GRIP1: variants seen among roughly 807,000 people sequenced by gnomAD.
GRIP1 encodes the protein glutamate receptor interacting protein 1.
Under a neutral mutation model 129.9 loss-of-function variants are expected in GRIP1, and 45 were observed. The ratio of observed to expected loss-of-function variants is 0.35; its 90% CI spans 0.27 to 0.44. The LOEUF is 0.44. Ranked by LOEUF, GRIP1 falls within the 20% of genes least tolerant of loss-of-function variation. GRIP1 has a pLI of 1.00. For synonymous variants in GRIP1, 530 were observed against 520.8 expected, an observed-to-expected ratio of 1.02 and a Z score of -0.24; for missense variants, 1,196 against 1,396.8, an observed-to-expected ratio of 0.86 and a Z score of 2.29.
chr12:66,531,312 C>CAA, intron 4 of GRIP1, among the ~76,000 whole-genome samples: 1 of 77,688 alleles, frequency 1.3e-5, no homozygotes, highest in Admixed American at 1.5e-4. Flanking sequence ...TACACACACA[C>CAA]ACACATACAT....
At chr12:66,830,891 G>C (rs2039504851) in intron 1 of GRIP1, among the ~76,000 whole-genome samples, 2 of 150,386 alleles carry the variant, frequency 1.3e-5, no homozygotes, top group Admixed American at 1.3e-4. Context: ...TCTCACCCCA[G>C]GTTGGAGTAC....
At chr12:66,656,703 A>C (rs1387855817) in intron 1 of GRIP1, among the ~76,000 whole-genome samples, 1 of 152,198 alleles carries the variant, frequency 6.6e-6, no homozygotes, top group Non-Finnish European at 1.5e-5. Context: ...TAGGTGTTTA[A>C]TATGCAAACA....
At chr12:66,622,966 A>G (rs2065340814) in intron 1 of GRIP1, among the ~76,000 whole-genome samples, 1 of 152,166 alleles carries the variant, frequency 6.6e-6, no homozygotes, top group South Asian at 2.1e-4. Context: ...CTGTTTACTT[A>G]GCTGTCTCCC....
At chr12:66,773,008 G>A (rs1410758939) in intron 1 of GRIP1, among the ~76,000 whole-genome samples, 3 of 152,118 alleles carry the variant, frequency 2.0e-5, no homozygotes, top group Non-Finnish European at 4.4e-5. Context: ...AAAACAAGCT[G>A]GAGTGCTTGT....
intron 1 of GRIP1, among the ~76,000 whole-genome samples, chr12:66,686,790 C>T (rs1423615644): frequency 2.0e-5 from 3 of 152,204 alleles, no homozygotes; most frequent in Non-Finnish European, 4.4e-5. Flanking sequence ...AGGCCAGTGG[C>T]TCACACCTGT....
At chr12:66,869,062 T>G (rs566806427) in intron 1 of GRIP1, among the ~76,000 whole-genome samples, 60 of 152,204 alleles carry the variant, frequency 3.9e-4, no homozygotes, top group Admixed American at 3.5e-3. Flanking sequence ...TCTGCATCTC[T>G]CGTACATCTT....
At chr12:66,761,155 C>G (rs1397897032) in intron 1 of GRIP1, among the ~76,000 whole-genome samples, 1 of 152,000 alleles carries the variant, frequency 6.6e-6, no homozygotes, top group Non-Finnish European at 1.5e-5. Flanking sequence ...CTGCTTGACT[C>G]CACTGTAACA....
chr12:66,553,181 C>G (rs993315122), intron 2 of GRIP1, among the ~76,000 whole-genome samples: 3 of 152,148 alleles, frequency 2.0e-5, no homozygotes, highest in Non-Finnish European at 4.4e-5. Context: ...GCAGATAAAG[C>G]AGTCACTACT....
intron 1 of GRIP1, among the ~76,000 whole-genome samples, chr12:66,947,231 T>C (rs950167372): frequency 6.6e-6 from 1 of 152,124 alleles, no homozygotes; most frequent in Non-Finnish European, 1.5e-5. Context: ...CCTGTCCCCT[T>C]TCAGCCCACA....
At chr12:66,462,495 A>T (rs961962076) in intron 9 of GRIP1, among the ~76,000 whole-genome samples, 8 of 152,072 alleles carry the variant, frequency 5.3e-5, no homozygotes, top group Non-Finnish European at 1.0e-4. Flanking sequence ...TAGCCTGAAA[A>T]TTTTTTCCTC....
At chr12:66,778,888 A>C (rs1288169140) in intron 1 of GRIP1, among the ~76,000 whole-genome samples, 2 of 152,218 alleles carry the variant, frequency 1.3e-5, no homozygotes, top group Non-Finnish European at 1.5e-5. Flanking sequence ...CAGATGTGAC[A>C]GGTGATCAAG....
chr12:66,488,028 T>C (rs1356422977), intron 7 of GRIP1, among the ~76,000 whole-genome samples: 1 of 152,182 alleles, frequency 6.6e-6, no homozygotes, highest in Non-Finnish European at 1.5e-5. Flanking sequence ...ACAGTAATAG[T>C]GGGAGATTTT....
intron 1 of GRIP1, among the ~76,000 whole-genome samples, chr12:66,901,922 A>G (rs2040850183): frequency 6.6e-6 from 1 of 152,246 alleles, no homozygotes; most frequent in Non-Finnish European, 1.5e-5. Context: ...CAAAATTATA[A>G]TGCATTCAGC....
intron 1 of GRIP1, among the ~76,000 whole-genome samples, chr12:66,704,031 A>C (rs1273151496): frequency 2.0e-5 from 3 of 152,110 alleles, no homozygotes; most frequent in Admixed American, 2.0e-4. Flanking sequence ...AAAAGAATAG[A>C]TAGACCTAAA....
chr12:66,535,382 T>A (rs373164446), intron 4 of GRIP1, among the ~76,000 whole-genome samples: 47 of 152,270 alleles, frequency 3.1e-4, no homozygotes, highest in African/African-American at 9.1e-4. Flanking sequence ...ACACAGTACT[T>A]TCAGTATAAT....
intron 19 of GRIP1, among the ~76,000 whole-genome samples, chr12:66,388,437 G>A (rs557256876): frequency 7.7e-4 from 118 of 152,260 alleles, no homozygotes; most frequent in Non-Finnish European, 1.1e-3. Flanking sequence ...TATTCAGCCC[G>A]CGAGCATGGC....
chr12:66,414,256 C>CA (rs1458864371), intron 15 of GRIP1, among the ~76,000 whole-genome samples: 1 of 152,156 alleles, frequency 6.6e-6, no homozygotes, highest in Non-Finnish European at 1.5e-5. Context: ...TCTCCACATA[C>CA]AAAATCACTG....
chr12:66,652,454 C>A (rs565777953), intron 1 of GRIP1, among the ~76,000 whole-genome samples: 120 of 152,302 alleles, frequency 7.9e-4, no homozygotes, highest in African/African-American at 2.8e-3. Context: ...AAACCTCTTT[C>A]CTTTACAAAT....
intron 14 of GRIP1, among the ~76,000 whole-genome samples, chr12:66,422,848 G>T (rs2057855765): frequency 6.6e-6 from 1 of 152,108 alleles, no homozygotes; most frequent in South Asian, 2.1e-4. Context: ...GGATGATGGG[G>T]TCGAACCCAG....
Sources: gnomAD v4.1 joint callset for allele counts (sites outside exome capture counted in the v4.1 genomes callset) on GRCh38, gnomAD v4.1.1 for gene constraint, MANE v1.5 for transcripts, NCBI Gene and HGNC (gene_info 2026-07-23, HGNC 2026-07-21) for gene names.